MGST3: variants seen among roughly 807,000 people sequenced by gnomAD.
MGST3 encodes the protein microsomal glutathione S-transferase 3, also known as glutathione S-transferase 3, mitochondrial.
In MGST3, 13 loss-of-function variants were observed where a neutral mutation model predicts 15.8. The ratio of observed to expected loss-of-function variants is 0.82; its 90% CI spans 0.54 to 1.31. MGST3 has a LOEUF of 1.31. MGST3 is among the 50% of genes most tolerant of loss of function. The probability of loss-of-function intolerance (pLI) is 0.00; values close to 1 mark genes in which losing one functional copy is unlikely to be tolerated. For synonymous variants in MGST3, 49 were observed against 68.1 expected, an observed-to-expected ratio of 0.72 and a Z score of 1.38; for missense variants, 155 against 192.4, an observed-to-expected ratio of 0.81 and a Z score of 1.15.
chr1:165,644,909 T>C (rs1648356583), intron 1 of MGST3, among the ~76,000 whole-genome samples: 1 of 151,916 alleles, frequency 6.6e-6, no homozygotes, highest in Non-Finnish European at 1.5e-5. Flanking sequence ...CAGGCACTCA[T>C]CACCTCGCCC....
At position 165,641,671 on chromosome 1, in the gene MGST3, A is replaced by T. The variant is rs9333426; in HGVS notation, c.-7-8170A>T. Among the ~76,000 whole-genome samples, 1,496 of 152,320 alleles carry T rather than the reference A, an allele frequency of 9.8e-3. 52 individuals carry two copies. The highest frequency in any genetic ancestry group is 0.059 in the Admixed American group (904 of 15,290). ...TTCTTCAAACCACACTGTGATATAAATGGGTAGTATTTTCCCTGTTTTGTA... is the reference window on the plus strand; with the variant it reads ...TTCTTCAAACCACACTGTGATATAATTGGGTAGTATTTTCCCTGTTTTGTA... On this transcript the variant is annotated intron_variant, in intron 1 of 5. Coordinates refer to ENST00000367889, the MANE Select transcript of MGST3 (RefSeq NM_004528.4).
At chr1:165,652,638 G>T (rs71628386) in intron 4 of MGST3, among the ~76,000 whole-genome samples, 1 of 152,220 alleles carries the variant, frequency 6.6e-6, no homozygotes, top group Non-Finnish European at 1.5e-5. Flanking sequence ...AGTATAAAAG[G>T]AGGTGAGGGA....
At chr1:165,650,146 T>A (rs1487094321) in intron 2 of MGST3, 182 bp downstream of exon 2, 11 of 758,890 alleles carry the variant, frequency 1.4e-5, no homozygotes, top group Admixed American at 2.5e-5. Flanking sequence ...TACAGGGCCC[T>A]GCTAGGGAGT....
At chr1:165,652,165 A>T in intron 4 of MGST3, 130 bp downstream of exon 4, 1 of 753,882 alleles carries the variant, frequency 1.3e-6, no homozygotes. Flanking sequence ...AAAGGATTTT[A>T]TTCAATTATT....
At chr1:165,645,161 C>T (rs1648365255) in intron 1 of MGST3, among the ~76,000 whole-genome samples, 1 of 152,126 alleles carries the variant, frequency 6.6e-6, no homozygotes, top group African/African-American at 2.4e-5. Context: ...GTTCAGAACA[C>T]CCATACTGAC....
At chr1:165,646,268 C>T (rs906060624) in intron 1 of MGST3, 8 of 152,202 alleles carry the variant, frequency 5.3e-5, no homozygotes, top group African/African-American at 1.9e-4. Flanking sequence ...CTGGTGCACA[C>T]CCGCACACAC....
At chr1:165,632,676 A>G (rs1420107101) in intron 1 of MGST3, among the ~76,000 whole-genome samples, 5 of 152,160 alleles carry the variant, frequency 3.3e-5, no homozygotes, top group Non-Finnish European at 4.4e-5. Context: ...GTCGCCAACT[A>G]TAGAAACTGC....
chr1:165,648,503 C>T (rs1454520321), intron 1 of MGST3: 1 of 152,150 alleles, frequency 6.6e-6, no homozygotes, highest in Non-Finnish European at 1.5e-5. Context: ...ACTAAAAATA[C>T]AAAAATTAGC....
intron 1 of MGST3, among the ~76,000 whole-genome samples, chr1:165,645,337 C>T (rs757993714): frequency 3.9e-5 from 6 of 151,980 alleles, no homozygotes; most frequent in South Asian, 2.1e-4. Flanking sequence ...CATCAGTATC[C>T]GTCTTCTGCC....
chr1:165,636,398 T>G (rs569716490), intron 1 of MGST3, among the ~76,000 whole-genome samples: 1 of 152,152 alleles, frequency 6.6e-6, no homozygotes, highest in South Asian at 2.1e-4. Flanking sequence ...TGAGATACAG[T>G]GTGATGTTTT....
intron 1 of MGST3, among the ~76,000 whole-genome samples, chr1:165,640,292 T>C (rs1648228642): frequency 6.6e-6 from 1 of 152,030 alleles, no homozygotes; most frequent in African/African-American, 2.4e-5. Flanking sequence ...ACTGTTAGTG[T>C]GTAATTGTGA....
chr1:165,644,770 T>G (rs1264983241), intron 1 of MGST3, among the ~76,000 whole-genome samples: 1 of 152,218 alleles, frequency 6.6e-6, no homozygotes, highest in African/African-American at 2.4e-5. Context: ...TCTTTTGTTT[T>G]TTTCTTGAGA....
intron 1 of MGST3, among the ~76,000 whole-genome samples, chr1:165,642,648 A>G (rs780175231): frequency 6.6e-6 from 1 of 152,250 alleles, no homozygotes; most frequent in Non-Finnish European, 1.5e-5. Context: ...GTCAGGCATC[A>G]TGATGAATGT....
At chr1:165,649,365 TCC>T in intron 1 of MGST3, 1 of 166,020 alleles carries the variant, frequency 6.0e-6, no homozygotes, top group Non-Finnish European at 1.3e-5. Flanking sequence ...TCTCTCTCTC[TCC>T]CTCTCCTCCC....
At chr1:165,644,516 G>C (rs1648342878) in intron 1 of MGST3, among the ~76,000 whole-genome samples, 1 of 152,234 alleles carries the variant, frequency 6.6e-6, no homozygotes, top group Non-Finnish European at 1.5e-5. Flanking sequence ...GGATGAGTCA[G>C]TGAGTGAGTG....
intron 2 of MGST3, 40 bp downstream of exon 2, chr1:165,650,004 T>C: frequency 6.2e-7 from 1 of 1,612,806 alleles, no homozygotes; most frequent in Non-Finnish European, 8.5e-7. Flanking sequence ...TAGGCTTGTC[T>C]GGGGGCCACA....
chr1:165,649,611 A>T, intron 1 of MGST3: 1 of 514,840 alleles, frequency 1.9e-6, no homozygotes. Context: ...AGAAAAAAAG[A>T]TACATGACTG....
At chr1:165,645,289 AAC>A (rs941508742) in intron 1 of MGST3, among the ~76,000 whole-genome samples, 18 of 152,056 alleles carry the variant, frequency 1.2e-4, no homozygotes, top group African/African-American at 4.3e-4. Flanking sequence ...TTAAGACACA[AAC>A]ACACACCTTA....
Position 165,655,900 on chromosome 1 carries a change from T to A in MGST3, c.*396T>A, listed in dbSNP as rs9333489. ...CCAAAGGAATGCTTGAGCCTAAAAG[T>A]TCAAGACCAGCCTGGGCAACATAGC... is the stretch of plus-strand genomic sequence containing the variant. On this transcript the variant is annotated 3_prime_UTR_variant, in exon 6 of 6. Transcript: ENST00000367889. 54,065 of 231,736 alleles carry A rather than the reference T, an allele frequency of 0.23. 9,176 individuals are homozygous for A. Among genetic ancestry groups the A allele is most frequent in the East Asian group, 0.82 (6,779 of 8,270 alleles). 14.4% of individuals were successfully genotyped at this position (231,736 alleles called of 1,614,324 possible).
Sources: gnomAD v4.1 joint callset for allele counts (sites outside exome capture counted in the v4.1 genomes callset) on GRCh38, gnomAD v4.1.1 for gene constraint, MANE v1.5 for transcripts, NCBI Gene and HGNC (gene_info 2026-07-23, HGNC 2026-07-21) for gene names.